The following TMCO4 variants were observed in gnomAD, a reference collection of about 807,000 sequenced individuals.
The protein encoded by TMCO4 is transmembrane and coiled-coil domain-containing protein 4.
In TMCO4, 58 loss-of-function variants were observed where a neutral mutation model predicts 64.7. That is an observed-to-expected ratio of 0.90 (90% CI 0.73 to 1.12). The LOEUF (loss-of-function observed/expected upper bound fraction) is 1.12, where lower values mean the gene tolerates loss of function less well. Among genes scored for constraint, TMCO4 ranks in the 50% most tolerant of loss-of-function variants. The pLI is 0.00. For missense variants in TMCO4, 780 were observed against 825.9 expected, an observed-to-expected ratio of 0.94 and a Z score of 0.68; for synonymous variants, 325 against 346.1, an observed-to-expected ratio of 0.94 and a Z score of 0.68.
intron 13 of TMCO4, among the ~76,000 whole-genome samples, chr1:19,701,678 AT>A (rs1417531720): frequency 6.6e-6 from 1 of 152,136 alleles, no homozygotes; most frequent in African/African-American, 2.4e-5. Context: ...GGAGACACCA[AT>A]ATCTTCCTCT....
At chr1:19,785,042 G>A (rs145336144) in intron 3 of TMCO4, among the ~76,000 whole-genome samples, 134 of 152,120 alleles carry the variant, frequency 8.8e-4, no homozygotes, top group African/African-American at 3.0e-3. Flanking sequence ...TCCCCACACC[G>A]GTCTTGTTCA....
intron 13 of TMCO4, among the ~76,000 whole-genome samples, chr1:19,716,104 C>G (rs1276470819): frequency 2.0e-5 from 3 of 151,960 alleles, no homozygotes; most frequent in Non-Finnish European, 2.9e-5. Context: ...ATTGTTTGAG[C>G]CCAGGAGTTT....
Position 19,780,571 on chromosome 1 carries a change from A to ACCT in TMCO4, c.179+8_179+9insAGG, listed in dbSNP as rs764892728. Reference sequence around the variant, plus strand: ...CATGACCTTCCCACTGCAAGACAGAAGAACTCACCTGTGTTCGGGTTCAGG... The same window carrying ACCT: ...CATGACCTTCCCACTGCAAGACAGAACCTGAACTCACCTGTGTTCGGGTTCAGG... On this transcript the variant is annotated intron_variant, in intron 4 of 15. Coordinates refer to ENST00000294543, the MANE Select transcript of TMCO4 (RefSeq NM_181719.7). 9.5e-6 allele frequency: 15 copies of ACCT among 1,584,160 alleles called. No homozygotes were observed. In the African/African-American group the frequency reaches 2.0e-4, roughly 21 times the overall value.
At chr1:19,720,998 T>C (rs755403081) in intron 13 of TMCO4, among the ~76,000 whole-genome samples, 27 of 152,168 alleles carry the variant, frequency 1.8e-4, no homozygotes, top group Non-Finnish European at 3.8e-4. Flanking sequence ...ACTGAGATGA[T>C]TAATTAACAT....
At chr1:19,751,049 A>G (rs768233311) in intron 7 of TMCO4, among the ~76,000 whole-genome samples, 1 of 152,232 alleles carries the variant, frequency 6.6e-6, no homozygotes, top group African/African-American at 2.4e-5. Flanking sequence ...TCCTCCAGGG[A>G]TTCTGCTGTA....
chr1:19,683,314 C>T lies in TMCO4; in HGVS notation c.1631G>A (p.Arg544His), dbSNP rs951198832. ...TGATGAGGCGGCAGCTGCTGCCTGGCGAGGCTCCTCGGAGGGCAGGCAGCC... is the reference window on the plus strand; with the variant it reads ...TGATGAGGCGGCAGCTGCTGCCTGGTGAGGCTCCTCGGAGGGCAGGCAGCC... ...APGCLPSEEP[R>H]QAAAAASSGE... Residue 544 changes from arginine to histidine, a missense_variant, in exon 16 of 16, where the codon CGC becomes CAC. Arg to His is a conservative substitution (Grantham distance 29, BLOSUM62 0). Coordinates refer to ENST00000294543, the MANE Select transcript of TMCO4 (RefSeq NM_181719.7). The T allele has an allele frequency of 1.5e-5, 25 of 1,613,698 alleles. No individual in the cohort carries two copies. Among genetic ancestry groups the T allele is most frequent in the East Asian group, 2.2e-5 (1 of 44,892 alleles).
intron 10 of TMCO4, among the ~76,000 whole-genome samples, chr1:19,744,422 T>A (rs2041671507): frequency 6.6e-6 from 1 of 152,184 alleles, no homozygotes; most frequent in South Asian, 2.1e-4. Flanking sequence ...GTGGCAGTAA[T>A]TTGTTCCACT....
At chr1:19,691,798 CATAAAT>C (rs2095197021) in intron 15 of TMCO4, among the ~76,000 whole-genome samples, 1 of 152,210 alleles carries the variant, frequency 6.6e-6, no homozygotes, top group Non-Finnish European at 1.5e-5. Flanking sequence ...ATTGTACTCT[CATAAAT>C]CCTATGTGTT....
At chr1:19,746,426 T>C (rs763500664) in intron 9 of TMCO4, 30 bp downstream of exon 9, 19 of 1,612,048 alleles carry the variant, frequency 1.2e-5, no homozygotes, top group Non-Finnish European at 1.6e-5. Flanking sequence ...TGAAAATTCC[T>C]CTGAACCCAT....
rs71579823 is a variant in TMCO4 at position 19,792,765 on chromosome 1, A to ATTTTTTT, written c.-101+5365_-101+5371dup. On this transcript the variant is annotated intron_variant, in intron 2 of 15. Transcript: ENST00000294543. ...GAGCAGTCAGTGAAGGTCAAGGTCA[A>ATTTTTTT]TTTTTTTTTTTTTTTTTTTTTTTCA... Among the ~76,000 whole-genome samples, 33 of 89,664 alleles carry ATTTTTTT rather than the reference A, an allele frequency of 3.7e-4. 2 individuals carry two copies. Among genetic ancestry groups the ATTTTTTT allele is most frequent in the South Asian group, 9.1e-4 (2 of 2,186 alleles). 58.8% of individuals were successfully genotyped at this position (89,664 alleles called of 152,430 possible).
intron 10 of TMCO4, among the ~76,000 whole-genome samples, chr1:19,742,018 G>A (rs2281249): frequency 0.02 from 3,107 of 152,004 alleles, 62 homozygotes; most frequent in East Asian, 0.057. Context: ...AATTATAGGC[G>A]TGAACCACTG....
In TMCO4 at chr1:19,732,035, G is replaced by A. The variant is rs1309432389; in HGVS notation, c.1264+5337C>T. 2.0e-5 allele frequency among the ~76,000 whole-genome samples: 3 copies of A among 152,220 alleles called. No homozygotes were observed. Among genetic ancestry groups the A allele is most frequent in the African/African-American group, 4.8e-5 (2 of 41,462 alleles). On this transcript the variant is annotated intron_variant, in intron 13 of 15. Transcript: ENST00000294543. The surrounding 1 kb of genome is among the most constrained non-coding windows in gnomAD (Gnocchi z 4.8). ...TGCTGTGAAGGCCGGCATGGACAGC[G>A]GGGGTTTTAAACTGAGCGGGGCCTG...
intron 15 of TMCO4, among the ~76,000 whole-genome samples, chr1:19,693,703 G>A (rs750587375): frequency 6.6e-6 from 1 of 152,238 alleles, no homozygotes; most frequent in Non-Finnish European, 1.5e-5. Context: ...GGGGCCCTGG[G>A]CTCTGCATTT....
intron 4 of TMCO4, among the ~76,000 whole-genome samples, chr1:19,779,211 T>C (rs577931675): frequency 2.0e-5 from 3 of 152,308 alleles, no homozygotes; most frequent in African/African-American, 7.2e-5. Context: ...GTGCTCCCTG[T>C]CCTAGTAACG....
intron 13 of TMCO4, among the ~76,000 whole-genome samples, chr1:19,716,160 T>A (rs373288559): frequency 1.6e-4 from 13 of 80,100 alleles, no homozygotes; most frequent in African/African-American, 8.0e-4. Flanking sequence ...CTATTTTATT[T>A]TTATTTTATT....
chr1:19,691,364 C>A lies in TMCO4; in HGVS notation c.1500+3070G>T, dbSNP rs139320648. 1.6e-3 allele frequency among the ~76,000 whole-genome samples: 244 copies of A among 152,294 alleles called. 3 individuals are homozygous for A. Among genetic ancestry groups the A allele is most frequent in the African/African-American group, 5.6e-3 (231 of 41,554 alleles). On this transcript the variant is annotated intron_variant, in intron 15 of 15. Coordinates refer to ENST00000294543, the MANE Select transcript of TMCO4 (RefSeq NM_181719.7). ...GGTGAAGATACAAGTGAACTGGCCCCAGCGACCTGGTGTCAGGCCAGGTGA... is the reference window on the plus strand; with the variant it reads ...GGTGAAGATACAAGTGAACTGGCCCAAGCGACCTGGTGTCAGGCCAGGTGA...
chr1:19,793,068 C>T (rs1284852316), intron 2 of TMCO4, among the ~76,000 whole-genome samples: 2 of 152,110 alleles, frequency 1.3e-5, no homozygotes, highest in African/African-American at 4.8e-5. Flanking sequence ...CCACGCCTGG[C>T]CTCAGTGTCA....
intron 7 of TMCO4, among the ~76,000 whole-genome samples, chr1:19,754,989 G>A (rs1460807357): frequency 6.6e-6 from 1 of 152,168 alleles, no homozygotes; most frequent in Non-Finnish European, 1.5e-5. Context: ...ACAGGTATCA[G>A]AAACGGGAAT....
intron 7 of TMCO4, among the ~76,000 whole-genome samples, chr1:19,747,639 C>T (rs1225651564): frequency 6.6e-6 from 1 of 152,182 alleles, no homozygotes; most frequent in Non-Finnish European, 1.5e-5. Flanking sequence ...CTCCCTTCTT[C>T]CCCAACCTGC....
Sources: gnomAD v4.1 joint callset for allele counts (sites outside exome capture counted in the v4.1 genomes callset) on GRCh38, gnomAD v4.1.1 for gene constraint, Gnocchi (gnomAD v3.1) non-coding constraint, MANE v1.5 for transcripts, NCBI Gene and HGNC (gene_info 2026-07-23, HGNC 2026-07-21) for gene names.